DGKB: variants seen among roughly 807,000 people sequenced by gnomAD.
DGKB encodes the protein 90 kDa diacylglycerol kinase.
A neutral mutation model predicts 114.3 loss-of-function variants in DGKB; 67 were observed. The ratio of observed to expected loss-of-function variants is 0.59; its 90% CI spans 0.48 to 0.72. The LOEUF is 0.72. DGKB is among the 30% of genes least tolerant of loss of function. The pLI is 0.00. For synonymous variants in DGKB, 398 were observed against 323.1 expected (o/e 1.23, Z -2.49); for missense variants, 907 against 975.2 (o/e 0.93, Z 0.93).
intron 9 of DGKB, among the ~76,000 whole-genome samples, chr7:14,690,065 G>A (rs779386801): frequency 3.3e-5 from 5 of 152,088 alleles, no homozygotes; most frequent in Non-Finnish European, 5.9e-5. Context: ...TTAAGGTATC[G>A]CTATTTCAAG....
At chr7:14,257,480 G>A (rs1017995683) in intron 23 of DGKB, among the ~76,000 whole-genome samples, 1 of 152,080 alleles carries the variant, frequency 6.6e-6, no homozygotes, top group Admixed American at 6.5e-5. Context: ...TTGAATTGTA[G>A]TTCCCATAAT....
chr7:14,888,374 A>G (rs918756465), intron 1 of DGKB, among the ~76,000 whole-genome samples: 5 of 151,642 alleles, frequency 3.3e-5, no homozygotes, highest in Non-Finnish European at 7.4e-5. Flanking sequence ...CCTCTCACAC[A>G]TACTTAAAAA....
In DGKB at chr7:14,613,271, T is replaced by G. The variant is rs993110807; in HGVS notation, c.1358+69A>C. ...AGGAATAATTGTTTTTAAGCATTTT[T>G]ACATCATAGTTTTGTCTATTTTTTT... On this transcript the variant is annotated intron_variant, in intron 16 of 25. Coordinates refer to ENST00000402815, the MANE Select transcript of DGKB (RefSeq NM_001350709.2). The G allele has an allele frequency of 3.4e-6, 3 of 892,596 alleles. No individual in the cohort carries two copies. The African/African-American group carries it at 5.1e-5, about 15-fold the overall frequency. The allele number at this position is 892,596 out of a possible 1,614,324, so 55.3% of individuals were successfully genotyped here.
intron 2 of DGKB, among the ~76,000 whole-genome samples, chr7:14,835,724 G>A (rs567488064): frequency 2.0e-5 from 3 of 152,066 alleles, no homozygotes; most frequent in East Asian, 1.9e-4. Context: ...CCGAGATATC[G>A]TATTATCTGA....
chr7:14,796,117 T>C (rs1445935596), intron 2 of DGKB, among the ~76,000 whole-genome samples: 2 of 152,184 alleles, frequency 1.3e-5, no homozygotes, highest in Middle Eastern at 3.2e-3. Flanking sequence ...AAATCACTGA[T>C]GCTTTACAAA....
At chr7:14,589,096 G>T (rs947555881) in intron 17 of DGKB, among the ~76,000 whole-genome samples, 1 of 151,590 alleles carries the variant, frequency 6.6e-6, no homozygotes, top group African/African-American at 2.4e-5. Context: ...TCTACTAACA[G>T]GTCTTGCATA....
chr7:14,660,564 T>C (rs1816831695), intron 13 of DGKB, among the ~76,000 whole-genome samples: 1 of 151,872 alleles, frequency 6.6e-6, no homozygotes, highest in African/African-American at 2.4e-5. Flanking sequence ...TCGGTGGTGA[T>C]ATCCCCTTTA....
chr7:14,321,500 T>C (rs761379394), intron 23 of DGKB, among the ~76,000 whole-genome samples: 31 of 151,778 alleles, frequency 2.0e-4, no homozygotes, highest in Non-Finnish European at 3.5e-4. Flanking sequence ...TGGTGAACTA[T>C]TGAAATCTCC....
chr7:14,451,163 T>C (rs1254112531), intron 21 of DGKB, among the ~76,000 whole-genome samples: 1 of 151,988 alleles, frequency 6.6e-6, no homozygotes, highest in African/African-American at 2.4e-5. Context: ...AGATATTTGG[T>C]TAAACATTAC....
At chr7:14,961,603 G>A (rs1295157470) in intron 1 of DGKB, among the ~76,000 whole-genome samples, 1 of 152,126 alleles carries the variant, frequency 6.6e-6, no homozygotes, top group Non-Finnish European at 1.5e-5. Flanking sequence ...CTTTTGAGCT[G>A]GGGTCACTCT....
At chr7:14,705,129 C>T (rs1825961966) in intron 6 of DGKB, among the ~76,000 whole-genome samples, 1 of 151,470 alleles carries the variant, frequency 6.6e-6, no homozygotes, top group South Asian at 2.1e-4. Context: ...CTTAAAGGAG[C>T]TGATGGAGCT....
intron 8 of DGKB, among the ~76,000 whole-genome samples, chr7:14,695,494 CTTTTTTTTTT>C (rs1173622205): frequency 1.3e-5 from 1 of 75,166 alleles, no homozygotes; most frequent in South Asian, 6.4e-4. Flanking sequence ...CTCTCTCTCT[CTTTTTTTTTT>C]TTTTTTTTTT....
At chr7:14,883,868 T>C (rs1854615081) in intron 1 of DGKB, among the ~76,000 whole-genome samples, 1 of 151,964 alleles carries the variant, frequency 6.6e-6, no homozygotes, top group African/African-American at 2.4e-5. Flanking sequence ...CTAAACCCAA[T>C]GATACCCAAC....
chr7:14,165,537 G>C (rs889832806), intron 25 of DGKB, among the ~76,000 whole-genome samples: 1 of 152,042 alleles, frequency 6.6e-6, no homozygotes, highest in African/African-American at 2.4e-5. Context: ...TTCTAGTCAA[G>C]AAACATAGTT....
intron 23 of DGKB, among the ~76,000 whole-genome samples, chr7:14,257,667 T>C (rs1245988817): frequency 6.6e-6 from 1 of 152,192 alleles, no homozygotes; most frequent in East Asian, 1.9e-4. Flanking sequence ...TCTTCCATCA[T>C]GATTATAATT....
At chr7:14,644,059 A>G (rs1184997318) in intron 13 of DGKB, among the ~76,000 whole-genome samples, 1 of 152,126 alleles carries the variant, frequency 6.6e-6, no homozygotes, top group East Asian at 1.9e-4. Context: ...AGCCTCCACA[A>G]ACAACTACAG....
intron 20 of DGKB, among the ~76,000 whole-genome samples, chr7:14,545,282 T>C (rs1220347647): frequency 1.3e-5 from 2 of 152,174 alleles, no homozygotes; most frequent in African/African-American, 4.8e-5. Flanking sequence ...CTGAAGTCTA[T>C]ATGATGAAAG....
At chr7:14,393,671 G>A (rs532731757) in intron 21 of DGKB, among the ~76,000 whole-genome samples, 85 of 152,112 alleles carry the variant, frequency 5.6e-4, no homozygotes, top group African/African-American at 1.9e-3. Flanking sequence ...ACATCTTTAG[G>A]CCTTTATCTT....
At chr7:14,316,250 C>A (rs369776763) in intron 23 of DGKB, among the ~76,000 whole-genome samples, 43 of 151,062 alleles carry the variant, frequency 2.8e-4, no homozygotes, top group South Asian at 1.7e-3. Flanking sequence ...AAACACATTC[C>A]AAAGCTAGCA....
Sources: allele counts gnomAD v4.1 joint callset (sites outside exome capture counted in the v4.1 genomes callset), GRCh38; gene constraint gnomAD v4.1.1; transcripts MANE v1.5; gene names NCBI Gene and HGNC (gene_info 2026-07-23, HGNC 2026-07-21).